DSCAML1: variants seen among roughly 807,000 people sequenced by gnomAD.
DSCAML1 encodes DS cell adhesion molecule like 1.
Under a neutral mutation model 200.5 loss-of-function variants are expected in DSCAML1, and 38 were observed. The ratio of observed to expected loss-of-function variants is 0.19; its 90% CI spans 0.15 to 0.25. The LOEUF (loss-of-function observed/expected upper bound fraction) is 0.25, where lower values mean the gene tolerates loss of function less well. Ranked by LOEUF, DSCAML1 falls within the 10% of genes least tolerant of loss-of-function variation. DSCAML1 has a pLI of 1.00. For synonymous variants in DSCAML1, 1,215 were observed against 1,165.0 expected (o/e 1.04, Z -0.87); for missense variants, 2,223 against 2,858.8 (o/e 0.78, Z 5.07).
intron 3 of DSCAML1, among the ~76,000 whole-genome samples, chr11:117,588,253 G>A (rs1379394925): frequency 1.3e-5 from 2 of 151,922 alleles, no homozygotes; most frequent in Non-Finnish European, 2.9e-5. Context: ...GGGGTCGGGG[G>A]CTGCCTGTCT....
At chr11:117,777,983 C>T (rs188413164) in intron 2 of DSCAML1, among the ~76,000 whole-genome samples, 2,186 of 152,250 alleles carry the variant, frequency 0.014, 28 homozygotes, top group Non-Finnish European at 0.025. Context: ...GGCAGCGTGC[C>T]CTCCTCCTCT....
chr11:117,732,005 T>C (rs1455972524), intron 3 of DSCAML1, among the ~76,000 whole-genome samples: 3 of 152,204 alleles, frequency 2.0e-5, no homozygotes, highest in Admixed American at 1.3e-4. Flanking sequence ...CTCCTCCCTC[T>C]CCATAGCTAC....
intron 3 of DSCAML1, among the ~76,000 whole-genome samples, chr11:117,683,773 T>G (rs552934303): frequency 6.6e-6 from 1 of 152,208 alleles, no homozygotes; most frequent in Non-Finnish European, 1.5e-5. Context: ...AGAAATACAG[T>G]ACACATTTTT....
Position 117,525,045 on chromosome 11 carries a change from G to A in DSCAML1, c.697C>T (p.His233Tyr). The A allele has an allele frequency of 6.3e-7, 1 of 1,590,762 alleles. No homozygotes were observed. Among genetic ancestry groups the A allele is most frequent in the Non-Finnish European group, 8.5e-7 (1 of 1,170,418 alleles). ...ESIPTILDGF[H>Y]SQEVWAGHTV... ...TGGCCGGCCCACACTTCCTGGGAGT[G>A]GAAGCCATCCAGGATGGTGGGGATC... is the stretch of plus-strand genomic sequence containing the variant. Residue 233 changes from histidine to tyrosine, a missense_variant, in exon 5 of 33, where the codon CAC (histidine) becomes TAC (tyrosine). Physicochemically the swap from His to Tyr is moderately conservative, Grantham distance 83. Around this residue, in one of 7 missense-constraint regions of DSCAML1, gnomAD observed 579 missense variants for 721.5 expected, o/e 0.80. Coordinates refer to ENST00000651296, the MANE Select transcript of DSCAML1 (RefSeq NM_020693.4).
intron 3 of DSCAML1, among the ~76,000 whole-genome samples, chr11:117,670,919 G>A (rs1335184674): frequency 2.0e-5 from 3 of 152,138 alleles, no homozygotes; most frequent in East Asian, 1.9e-4. Flanking sequence ...GCACCCAGAG[G>A]GCCTGGGTGA....
intron 3 of DSCAML1, among the ~76,000 whole-genome samples, chr11:117,714,532 G>C (rs993940099): frequency 6.6e-6 from 1 of 152,114 alleles, no homozygotes; most frequent in Non-Finnish European, 1.5e-5. Context: ...GAAAGTTTCC[G>C]CTGGCTGGTG....
At chr11:117,687,419 CCTGG>C (rs2053419080) in intron 3 of DSCAML1, among the ~76,000 whole-genome samples, 1 of 99,916 alleles carries the variant, frequency 1.0e-5, no homozygotes, top group African/African-American at 4.8e-5. Context: ...CTCCACCATG[CCTGG>C]CTATTTTTTT....
chr11:117,624,749 G>A (rs2052008494), intron 3 of DSCAML1, among the ~76,000 whole-genome samples: 1 of 152,084 alleles, frequency 6.6e-6, no homozygotes. Context: ...AAGCCCTGGG[G>A]TCAAATGCAA....
At chr11:117,657,160 C>T (rs976525867) in intron 3 of DSCAML1, among the ~76,000 whole-genome samples, 1 of 152,204 alleles carries the variant, frequency 6.6e-6, no homozygotes, top group African/African-American at 2.4e-5. Context: ...TGTCCATCAA[C>T]ATCCACATCC....
intron 3 of DSCAML1, among the ~76,000 whole-genome samples, chr11:117,717,851 T>A (rs2137786499): frequency 6.6e-6 from 1 of 152,240 alleles, no homozygotes; most frequent in East Asian, 1.9e-4. Flanking sequence ...ACACACCCCT[T>A]TGGCCCAGCG....
intron 3 of DSCAML1, among the ~76,000 whole-genome samples, chr11:117,545,234 AACAC>A (rs758060622): frequency 3.8e-4 from 54 of 143,474 alleles, no homozygotes; most frequent in Middle Eastern, 3.6e-3. Flanking sequence ...CGTAAAAAAA[AACAC>A]ACACACACAC....
In DSCAML1 at chr11:117,450,561, C is replaced by T; in HGVS notation, c.3696G>A (p.Gly1232=). The change falls in exon 20 of 33, where the codon GGG becomes GGA. Residue 1232 remains glycine (G), a synonymous_variant. Coordinates refer to ENST00000651296, the MANE Select transcript of DSCAML1 (RefSeq NM_020693.4). ...RKYTIFCSSP[G]SGQPAPSEYE... is the part of the protein sequence containing the mutation. ...TGAACTCACTTACCGGCTGGCCAGA[C>T]CCGGGGCTGGAACAGAAGATGGTGT... The T allele has an allele frequency of 1.2e-6, 2 of 1,614,062 alleles. No individual in the cohort carries two copies. Among genetic ancestry groups the T allele is most frequent in the Non-Finnish European group, 1.7e-6 (2 of 1,179,984 alleles).
intron 3 of DSCAML1, among the ~76,000 whole-genome samples, chr11:117,615,640 G>A (rs1795945230): frequency 6.6e-6 from 1 of 152,110 alleles, no homozygotes; most frequent in South Asian, 2.1e-4. Flanking sequence ...AACATGGCCG[G>A]TTGTACCAGA....
chr11:117,428,122 G>C lies in DSCAML1; in HGVS notation c.*206C>G, dbSNP rs2047696144. 1 of 505,970 alleles carries C rather than the reference G, an allele frequency of 2.0e-6. No homozygotes were observed. Among genetic ancestry groups the C allele is most frequent in the South Asian group, 2.6e-5 (1 of 38,618 alleles). The allele number at this position is 505,970 out of a possible 1,614,324, so 31.3% of individuals were successfully genotyped here. A position where few individuals can be genotyped will look rare whatever the true frequency, so the allele number is the denominator to read the frequency against. On this transcript the variant is annotated 3_prime_UTR_variant, in exon 33 of 33. Transcript: ENST00000651296. ...TTTGACTTGTACTGTCAAATTCTTT[G>C]TGCCCTGGCTTCATGGAGAAGAAGA...
At chr11:117,774,771 G>T (rs557704436) in intron 3 of DSCAML1, among the ~76,000 whole-genome samples, 28 of 152,236 alleles carry the variant, frequency 1.8e-4, no homozygotes, top group Admixed American at 1.4e-3. Flanking sequence ...AAGCACACAG[G>T]TTGAAAAAAC....
chr11:117,537,196 C>T (rs1358365755), intron 3 of DSCAML1, among the ~76,000 whole-genome samples: 1 of 152,202 alleles, frequency 6.6e-6, no homozygotes. Flanking sequence ...GTCCTCACTG[C>T]CTCCTGGAGG....
At chr11:117,533,079 G>A (rs1323912266) in intron 3 of DSCAML1, among the ~76,000 whole-genome samples, 1 of 152,132 alleles carries the variant, frequency 6.6e-6, no homozygotes, top group Non-Finnish European at 1.5e-5. Context: ...GGTCAAGGCT[G>A]CAGTGAGCCA....
intron 11 of DSCAML1, among the ~76,000 whole-genome samples, chr11:117,488,348 T>G (rs2049118250): frequency 6.6e-6 from 1 of 152,186 alleles, no homozygotes; most frequent in Non-Finnish European, 1.5e-5. Flanking sequence ...CACCTCCCCC[T>G]TACTTCTTGC....
chr11:117,636,559 C>T (rs1468760825), intron 3 of DSCAML1, among the ~76,000 whole-genome samples: 1 of 152,168 alleles, frequency 6.6e-6, no homozygotes, highest in Non-Finnish European at 1.5e-5. Context: ...CCACCTGCCT[C>T]ACTCCACGAA....
Sources: allele counts gnomAD v4.1 joint callset (sites outside exome capture counted in the v4.1 genomes callset), GRCh38; gene constraint gnomAD v4.1.1; regional missense constraint gnomAD v4.1.1; transcripts MANE v1.5; gene names NCBI Gene and HGNC (gene_info 2026-07-23, HGNC 2026-07-21).